GALNT17: variants seen among roughly 807,000 people sequenced by gnomAD.
GALNT17 encodes the protein polypeptide N-acetylgalactosaminyltransferase 17.
GALNT17 carries 29 observed loss-of-function variants against 63.7 expected under a neutral mutation model. The observed-to-expected ratio is 0.46, with a 90% confidence interval of 0.34 to 0.62. The LOEUF (loss-of-function observed/expected upper bound fraction) is 0.62, where lower values mean the gene tolerates loss of function less well. Among genes scored for constraint, GALNT17 ranks in the 20% least tolerant of loss-of-function variants. The pLI is 0.01. For missense variants in GALNT17, 603 were observed against 799.6 expected (o/e 0.75, Z 2.97); for synonymous variants, 305 against 318.3 (o/e 0.96, Z 0.45).
chr7:71,549,489 T>G (rs1458625821), intron 5 of GALNT17, among the ~76,000 whole-genome samples: 1 of 152,122 alleles, frequency 6.6e-6, no homozygotes, highest in East Asian at 1.9e-4. Flanking sequence ...GATTGAGGAT[T>G]GCTTGAGCCT....
In GALNT17 at chr7:71,382,286, A is replaced by G. The variant is rs1216883359; in HGVS notation, c.423-5949A>G. ...TCCCAGCTACTTGGGAGGCTGAGGC[A>G]GAAGAATCGCTTGAACCCAGGGGGC... is the stretch of plus-strand genomic sequence containing the variant. On this transcript the variant is annotated intron_variant, in intron 2 of 10. Coordinates refer to ENST00000333538, the MANE Select transcript of GALNT17 (RefSeq NM_022479.3). Among the ~76,000 whole-genome samples, 4 of 152,224 alleles carry G rather than the reference A, an allele frequency of 2.6e-5. No homozygotes were observed. The East Asian group carries it at 7.7e-4, about 29-fold the overall frequency.
chr7:71,603,526 A>G (rs1182545362), intron 6 of GALNT17, among the ~76,000 whole-genome samples: 1 of 152,060 alleles, frequency 6.6e-6, no homozygotes, highest in Non-Finnish European at 1.5e-5. Context: ...TGCTGAGTGC[A>G]TATGCTGGAT....
At chr7:71,540,452 G>T (rs1049328481) in intron 5 of GALNT17, among the ~76,000 whole-genome samples, 1 of 151,790 alleles carries the variant, frequency 6.6e-6, no homozygotes, top group Non-Finnish European at 1.5e-5. Context: ...ATGTCATTTC[G>T]TTCATCTAGT....
intron 5 of GALNT17, among the ~76,000 whole-genome samples, chr7:71,485,479 TTCTGACTGCC>T (rs773217291): frequency 3.3e-5 from 5 of 152,222 alleles, no homozygotes; most frequent in Non-Finnish European, 4.4e-5. Context: ...CAGTCCTAGC[TTCTGACTGCC>T]CATCCTGGCT....
Position 71,665,489 on chromosome 7 carries a change from A to G in GALNT17, c.1159A>G (p.Asn387Asp). The change falls in exon 7 of 11, where the codon AAT becomes GAT. Residue 387 changes from asparagine to aspartate, a missense_variant. Asn to Asp is a conservative substitution (Grantham distance 23). Around this residue, in one of 3 missense-constraint regions of GALNT17, gnomAD observed 336 missense variants for 507.8 expected, o/e 0.66. Transcript: ENST00000333538. Reference sequence around the variant, plus strand: ...CATTGAGCGGAAGAAGAAGCCATATAATAGCAACATTGGCTTCTACACCAA... The same window carrying G: ...CATTGAGCGGAAGAAGAAGCCATATGATAGCAACATTGGCTTCTACACCAA... ...AHIERKKKPY[N>D]SNIGFYTKRN... 1.2e-6 allele frequency: 2 copies of G among 1,613,756 alleles called. No individual in the cohort carries two copies. Among genetic ancestry groups the G allele is most frequent in the South Asian group, 1.1e-5 (1 of 91,056 alleles).
intron 6 of GALNT17, among the ~76,000 whole-genome samples, chr7:71,617,565 C>G (rs539817490): frequency 6.6e-6 from 1 of 151,988 alleles, no homozygotes; most frequent in Non-Finnish European, 1.5e-5. Flanking sequence ...CGTGATCCAC[C>G]TACCTTGGCC....
At chr7:71,162,418 A>G (rs1223028666) in intron 1 of GALNT17, among the ~76,000 whole-genome samples, 3 of 148,284 alleles carry the variant, frequency 2.0e-5, no homozygotes, top group South Asian at 4.3e-4. Context: ...CCATCCATCC[A>G]TCCATCCATC....
intron 2 of GALNT17, among the ~76,000 whole-genome samples, chr7:71,368,583 G>A (rs552188938): frequency 4.9e-4 from 74 of 152,118 alleles, no homozygotes; most frequent in Non-Finnish European, 9.3e-4. Flanking sequence ...ATGAACAAAC[G>A]TCTCTTGTCG....
rs1562894882 is a variant in GALNT17 at position 71,184,991 on chromosome 7, CCTTCCT to C, written c.238+51952_238+51957del. On this transcript the variant is annotated intron_variant, in intron 1 of 10. Transcript: ENST00000333538. ...TCCTTCCTTCCTTCCTTCCTTCCTT[CCTTCCT>C]TCTTCCTTCCCTCCCTCCCTCCTTC... 8.8e-4 allele frequency among the ~76,000 whole-genome samples: 109 copies of C among 124,296 alleles called. 2 individuals carry two copies. Among genetic ancestry groups the C allele is most frequent in the African/African-American group, 3.3e-3 (96 of 29,450 alleles). 81.5% of individuals were successfully genotyped at this position (124,296 alleles called of 152,430 possible).
intron 1 of GALNT17, among the ~76,000 whole-genome samples, chr7:71,299,530 G>A (rs10272997): frequency 0.19 from 28,574 of 152,072 alleles, 2,799 homozygotes; most frequent in East Asian, 0.33. Context: ...TACAGTCTCA[G>A]TTTTCAGTTT....
chr7:71,436,637 TGAACCCGG>T (rs1047174587), intron 5 of GALNT17, among the ~76,000 whole-genome samples: 4 of 151,214 alleles, frequency 2.6e-5, no homozygotes, highest in African/African-American at 9.7e-5. Context: ...GAGAATGGTG[TGAACCCGG>T]GAGGCAGAGC....
chr7:71,522,767 A>T lies in GALNT17; in HGVS notation c.963-48518A>T, dbSNP rs552751602. ...GGTGGCAACAGAAACTGGATCTCTT[A>T]TCTGATGGAATCCAGTTTCACCTGG... is the stretch of plus-strand genomic sequence containing the variant. On this transcript the variant is annotated intron_variant, in intron 5 of 10. Transcript: ENST00000333538. Among the ~76,000 whole-genome samples the T allele has an allele frequency of 1.2e-4, 18 of 152,290 alleles. No homozygotes were observed. The East Asian group carries it at 3.3e-3, about 28-fold the overall frequency.
At chr7:71,138,471 G>C (rs1017237588) in intron 1 of GALNT17, among the ~76,000 whole-genome samples, 1 of 152,172 alleles carries the variant, frequency 6.6e-6, no homozygotes, top group Non-Finnish European at 1.5e-5. Flanking sequence ...AGGGGTGGCA[G>C]AGGAAGAAAA....
intron 1 of GALNT17, among the ~76,000 whole-genome samples, chr7:71,219,843 T>C (rs934488395): frequency 5.9e-5 from 9 of 152,206 alleles, no homozygotes; most frequent in Admixed American, 3.9e-4. Context: ...GGCACTAATA[T>C]GTTTGGTAGC....
At chr7:71,306,161 A>C (rs1236553766) in intron 1 of GALNT17, among the ~76,000 whole-genome samples, 2 of 152,236 alleles carry the variant, frequency 1.3e-5, no homozygotes, top group Non-Finnish European at 2.9e-5. Context: ...CAGAAATAGC[A>C]GTGAGCCAAG....
At chr7:71,369,416 T>C (rs531134002) in intron 2 of GALNT17, among the ~76,000 whole-genome samples, 35 of 152,156 alleles carry the variant, frequency 2.3e-4, no homozygotes, top group African/African-American at 8.2e-4. Flanking sequence ...TAGCCCAAAG[T>C]GTGAGGAGTA....
chr7:71,316,188 GTCCTGATCTGTGGGTCTGATCAGGA>G (rs745495388), intron 1 of GALNT17, among the ~76,000 whole-genome samples: 39,242 of 105,538 alleles, frequency 0.37, 8,775 homozygotes, highest in Non-Finnish European at 0.49. Flanking sequence ...GCCGCCTGGG[GTCCTGATCTGTGGGTCTGATCAGGA>G]TCCTGATCTG....
chr7:71,185,460 A>G (rs1788832054), intron 1 of GALNT17, among the ~76,000 whole-genome samples: 1 of 150,774 alleles, frequency 6.6e-6, no homozygotes, highest in Non-Finnish European at 1.5e-5. Flanking sequence ...GGCCTCCCAA[A>G]GTGCTGCGAT....
At chr7:71,535,343 G>A (rs6460663) in intron 5 of GALNT17, among the ~76,000 whole-genome samples, 1 of 152,066 alleles carries the variant, frequency 6.6e-6, no homozygotes, top group Non-Finnish European at 1.5e-5. Context: ...TGAGAAGGTG[G>A]CACTGGGGCT....
Sources: allele counts gnomAD v4.1 joint callset (sites outside exome capture counted in the v4.1 genomes callset), GRCh38; gene constraint gnomAD v4.1.1; regional missense constraint gnomAD v4.1.1; transcripts MANE v1.5; gene names NCBI Gene and HGNC (gene_info 2026-07-23, HGNC 2026-07-21).